KDM2A: variants seen among roughly 807,000 people sequenced by gnomAD.
The protein encoded by KDM2A is lysine-specific demethylase 2A.
Under a neutral mutation model 137.3 loss-of-function variants are expected in KDM2A, and 3 were observed. The observed-to-expected ratio is 0.02, with a 90% confidence interval of 0.01 to 0.06. KDM2A has a LOEUF of 0.06. KDM2A is among the 10% of genes least tolerant of loss of function. The probability of loss-of-function intolerance (pLI) is 1.00; values close to 1 mark genes in which losing one functional copy is unlikely to be tolerated. For missense variants in KDM2A, 738 were observed against 1,510.6 expected (o/e 0.49, Z 8.48); for synonymous variants, 512 against 541.5 (o/e 0.95, Z 0.76).
At chr11:67,193,732 G>T (rs952069082) in intron 5 of KDM2A, among the ~76,000 whole-genome samples, 4 of 152,010 alleles carry the variant, frequency 2.6e-5, no homozygotes, top group African/African-American at 4.8e-5. Flanking sequence ...ATGGTGGCAG[G>T]CGCCTCTACT....
intron 2 of KDM2A, among the ~76,000 whole-genome samples, chr11:67,152,915 T>A (rs1451815027): frequency 2.5e-3 from 12 of 4,736 alleles, no homozygotes; most frequent in African/African-American, 4.3e-3. Flanking sequence ...AGTGTGTGTG[T>A]GTGTGTGTGT....
intron 12 of KDM2A, among the ~76,000 whole-genome samples, chr11:67,233,584 A>G: frequency 9.5e-6 from 1 of 105,184 alleles, no homozygotes; most frequent in Non-Finnish European, 1.9e-5. Context: ...CCTGGGAGGC[A>G]AAGGTTGCAG....
At chr11:67,144,823 C>G (rs953458351) in intron 2 of KDM2A, among the ~76,000 whole-genome samples, 1 of 147,702 alleles carries the variant, frequency 6.8e-6, no homozygotes, top group African/African-American at 2.5e-5. Context: ...GCTTCAGCCT[C>G]CCAAAGTGCT....
At chr11:67,159,630 G>A (rs1856592480) in intron 2 of KDM2A, among the ~76,000 whole-genome samples, 1 of 152,178 alleles carries the variant, frequency 6.6e-6, no homozygotes, top group South Asian at 2.1e-4. Context: ...TTTGCCATTT[G>A]CAACTAGTAA....
At chr11:67,242,729 T>A (rs1040534359) in intron 12 of KDM2A, among the ~76,000 whole-genome samples, 4 of 152,112 alleles carry the variant, frequency 2.6e-5, no homozygotes, top group Non-Finnish European at 4.4e-5. Context: ...GGTCTCAAAC[T>A]CCTGGCTCAA....
chr11:67,134,086 C>G (rs1159288352), intron 2 of KDM2A, among the ~76,000 whole-genome samples: 1 of 152,194 alleles, frequency 6.6e-6, no homozygotes, highest in Non-Finnish European at 1.5e-5. Context: ...AAATGAAATA[C>G]TAAGGTAGAC....
chr11:67,142,689 C>G (rs973089651), intron 2 of KDM2A, among the ~76,000 whole-genome samples: 1 of 151,110 alleles, frequency 6.6e-6, no homozygotes. Context: ...GGGGGACAAG[C>G]GTGAGACTCC....
chr11:67,189,790 A>G (rs556994653), intron 5 of KDM2A, among the ~76,000 whole-genome samples: 32 of 152,260 alleles, frequency 2.1e-4, no homozygotes, highest in Admixed American at 7.2e-4. Flanking sequence ...CAGTGAGCCA[A>G]GATCGCACAT....
At chr11:67,177,969 A>C (rs760329058) in intron 2 of KDM2A, among the ~76,000 whole-genome samples, 1 of 152,208 alleles carries the variant, frequency 6.6e-6, no homozygotes, top group East Asian at 1.9e-4. Context: ...ACACTGTCAT[A>C]TATGTGCAGT....
chr11:67,244,812 C>T (rs972961488), intron 13 of KDM2A, among the ~76,000 whole-genome samples: 5 of 151,822 alleles, frequency 3.3e-5, no homozygotes, highest in African/African-American at 9.7e-5. Flanking sequence ...GGTGAAACCC[C>T]GTCTCTACAA....
chr11:67,194,551 G>A (rs1243433489), intron 5 of KDM2A, among the ~76,000 whole-genome samples: 1 of 152,098 alleles, frequency 6.6e-6, no homozygotes, highest in African/African-American at 2.4e-5. Flanking sequence ...ACTGCGAGAA[G>A]GTAAAAAACA....
chr11:67,144,581 G>A (rs11227708), intron 2 of KDM2A, among the ~76,000 whole-genome samples: 12,203 of 149,206 alleles, frequency 0.082, 1,661 homozygotes, highest in African/African-American at 0.28. Flanking sequence ...AAATTTTTTA[G>A]AGACAAGGTC....
intron 2 of KDM2A, among the ~76,000 whole-genome samples, chr11:67,163,314 G>A (rs573726919): frequency 6.6e-6 from 1 of 152,162 alleles, no homozygotes; most frequent in East Asian, 1.9e-4. Context: ...GCAGGATACA[G>A]TTGTTGAATT....
chr11:67,179,193 AT>A (rs1723469806), intron 2 of KDM2A, among the ~76,000 whole-genome samples: 1 of 152,178 alleles, frequency 6.6e-6, no homozygotes, highest in Non-Finnish European at 1.5e-5. Flanking sequence ...ACATTTGTAT[AT>A]CTTCTTTGGA....
At position 67,254,466 on chromosome 11, in the gene KDM2A, C is replaced by T; in HGVS notation, c.3307+48C>T. 6.6e-7 allele frequency: 1 copy of T among 1,516,664 alleles called. No individual in the cohort carries two copies. Among genetic ancestry groups the T allele is most frequent in the Non-Finnish European group, 9.1e-7 (1 of 1,094,532 alleles). 94.0% of individuals were successfully genotyped at this position (1,516,664 alleles called of 1,614,324 possible). On this transcript the variant is annotated intron_variant, in intron 20 of 20. Coordinates refer to ENST00000529006, the MANE Select transcript of KDM2A (RefSeq NM_012308.3). This position sits in a 1 kb window ranked among gnomAD's most constrained non-coding sequence, Gnocchi z 4.7. Reference sequence around the variant, plus strand: ...AATCAGCGGTGCCCCCTGCCTCCAGCCCTCCCTGGAACTTGATCAGTAAAC... The same window carrying T: ...AATCAGCGGTGCCCCCTGCCTCCAGTCCTCCCTGGAACTTGATCAGTAAAC...
chr11:67,146,067 C>G (rs934681726), intron 2 of KDM2A, among the ~76,000 whole-genome samples: 1 of 151,078 alleles, frequency 6.6e-6, no homozygotes, highest in Non-Finnish European at 1.5e-5. Flanking sequence ...TCTCAGCTCA[C>G]TGCAACCTCC....
At chr11:67,130,603 T>C (rs1254692222) in intron 2 of KDM2A, among the ~76,000 whole-genome samples, 4 of 152,218 alleles carry the variant, frequency 2.6e-5, no homozygotes, top group Admixed American at 2.0e-4. Context: ...ATGTATATCA[T>C]GTAGATAGAC....
chr11:67,234,067 CAG>C, intron 12 of KDM2A, among the ~76,000 whole-genome samples: 1 of 152,164 alleles, frequency 6.6e-6, no homozygotes, highest in Middle Eastern at 3.4e-3. Context: ...CAGAAGACAA[CAG>C]ATTTAGATTC....
At chr11:67,230,925 TTCAGACAAAAAAAAAAAG>T (rs1858693737) in intron 11 of KDM2A, among the ~76,000 whole-genome samples, 1 of 151,940 alleles carries the variant, frequency 6.6e-6, no homozygotes, top group African/African-American at 2.4e-5. Context: ...AGACCAAAAC[TTCAGACAAAAAAAAAAAG>T]TTTTTTGGTT....
Sources: allele counts gnomAD v4.1 joint callset (sites outside exome capture counted in the v4.1 genomes callset), GRCh38; gene constraint gnomAD v4.1.1; non-coding constraint Gnocchi (gnomAD v3.1); transcripts MANE v1.5; gene names NCBI Gene and HGNC (gene_info 2026-07-23, HGNC 2026-07-21).